LTBP1: variants seen among roughly 807,000 people sequenced by gnomAD.
LTBP1 encodes latent transforming growth factor beta binding protein 1, also known as latent-transforming growth factor beta-binding protein 1.
A neutral mutation model predicts 207.6 loss-of-function variants in LTBP1; 129 were observed. The ratio of observed to expected loss-of-function variants is 0.62; its 90% CI spans 0.54 to 0.72. The LOEUF is 0.72. Ranked by LOEUF, LTBP1 falls within the 30% of genes least tolerant of loss-of-function variation. LTBP1 has a pLI of 0.00. For missense variants in LTBP1, 2,281 were observed against 2,217.2 expected, an observed-to-expected ratio of 1.03 and a Z score of -0.58; for synonymous variants, 963 against 833.7, an observed-to-expected ratio of 1.16 and a Z score of -2.67.
rs139516602 is a variant in LTBP1 at position 33,378,011 on chromosome 2, C to G, written c.4712-11173C>G. Among the ~76,000 whole-genome samples the G allele has an allele frequency of 3.4e-3, 518 of 152,246 alleles. 3 individuals carry two copies. The highest frequency in any genetic ancestry group is 0.012 in the African/African-American group (491 of 41,550). The stretch of plus-strand genomic sequence containing the variant: ...TGAGATTTGGGTGGGGACACAAAGT[C>G]AAACCATATCAACAAGCAATCATAT... On this transcript the variant is annotated intron_variant, in intron 31 of 33. Coordinates refer to ENST00000404816, the MANE Select transcript of LTBP1 (RefSeq NM_206943.4).
At chr2:33,091,233 C>A (rs218182) in intron 3 of LTBP1, among the ~76,000 whole-genome samples, 2 of 151,936 alleles carry the variant, frequency 1.3e-5, no homozygotes, top group South Asian at 2.1e-4. Context: ...GTGTCATCTC[C>A]TCCCATGGAC....
chr2:33,372,248 T>C (rs1238661441), intron 31 of LTBP1, among the ~76,000 whole-genome samples: 1 of 152,188 alleles, frequency 6.6e-6, no homozygotes, highest in Non-Finnish European at 1.5e-5. Context: ...CTCGAGTCTC[T>C]TTCCATGATC....
chr2:33,262,297 C>T (rs2093036245), intron 13 of LTBP1, among the ~76,000 whole-genome samples: 1 of 152,136 alleles, frequency 6.6e-6, no homozygotes, highest in Admixed American at 6.5e-5. Context: ...CTGCTATATC[C>T]ATTATTTAAT....
At chr2:33,018,436 A>G (rs1160844621) in intron 2 of LTBP1, among the ~76,000 whole-genome samples, 1 of 152,178 alleles carries the variant, frequency 6.6e-6, no homozygotes, top group Non-Finnish European at 1.5e-5. Context: ...CATGTTTCTA[A>G]TTGAAAGCAT....
chr2:33,289,462 T>C (rs1443772004), intron 19 of LTBP1, among the ~76,000 whole-genome samples: 1 of 152,096 alleles, frequency 6.6e-6, no homozygotes, highest in Admixed American at 6.5e-5. Flanking sequence ...TGGGCTCCAG[T>C]GATTCTCCTG....
chr2:33,281,107 CCA>C (rs1163818047), intron 19 of LTBP1, among the ~76,000 whole-genome samples: 1 of 152,010 alleles, frequency 6.6e-6, no homozygotes, highest in Non-Finnish European at 1.5e-5. Context: ...CTGTATATCC[CCA>C]GAGTTGTACT....
In LTBP1 at chr2:33,037,370, G is replaced by T. The variant is rs188902810; in HGVS notation, c.863+16164G>T. Among the ~76,000 whole-genome samples the T allele has an allele frequency of 3.6e-3, 543 of 152,216 alleles. 5 individuals carry two copies. Among genetic ancestry groups the T allele is most frequent in the Middle Eastern group, 0.02 (6 of 294 alleles). On this transcript the variant is annotated intron_variant, in intron 3 of 33. Coordinates refer to ENST00000404816, the MANE Select transcript of LTBP1 (RefSeq NM_206943.4). Reference sequence around the variant, plus strand: ...TAATCATCTGTGTCTCTTGTGCTGGGTTCTGGCTGATTTCTTCTAGTTTAT... The same window carrying T: ...TAATCATCTGTGTCTCTTGTGCTGGTTTCTGGCTGATTTCTTCTAGTTTAT...
chr2:33,264,750 C>G (rs1444640817), intron 15 of LTBP1, among the ~76,000 whole-genome samples: 1 of 152,168 alleles, frequency 6.6e-6, no homozygotes. Context: ...TTGAGACTCT[C>G]TCACATTGCT....
rs1274004025 is a variant in LTBP1, at chr2:33,165,997, TTTGGAAGTCA to T, written c.1202-20858_1202-20849del. Among the ~76,000 whole-genome samples the T allele has an allele frequency of 2.6e-5, 4 of 152,252 alleles. No individual in the cohort carries two copies. In the East Asian group the frequency reaches 7.7e-4, roughly 29 times the overall value. On this transcript the variant is annotated intron_variant, in intron 5 of 33. Transcript: ENST00000404816. ...TAGCTTTTCAAGTTTCTAATTCAGT[TTTGGAAGTCA>T]CCTCTTCCATCATAGCCTAACTTTA... is the stretch of plus-strand genomic sequence containing the variant.
chr2:33,356,863 T>C lies in LTBP1; in HGVS notation c.4001-3734T>C, dbSNP rs550008985. ...TCTGCTGAAAGTAATTTACTGAACA[T>C]CATCACACACACAGAGTTTTATCCA... On this transcript the variant is annotated intron_variant, in intron 26 of 33. Coordinates refer to ENST00000404816, the MANE Select transcript of LTBP1 (RefSeq NM_206943.4). Among the ~76,000 whole-genome samples the C allele has an allele frequency of 2.0e-5, 3 of 152,310 alleles. No homozygotes were observed. The East Asian group carries it at 5.8e-4, about 29-fold the overall frequency.
chr2:33,395,443 A>G (rs951841960), intron 32 of LTBP1, among the ~76,000 whole-genome samples: 8 of 152,192 alleles, frequency 5.3e-5, no homozygotes, highest in Non-Finnish European at 8.8e-5. Context: ...AAGTCCCCCA[A>G]TACCAGTGTA....
intron 3 of LTBP1, among the ~76,000 whole-genome samples, chr2:33,053,319 A>G (rs2076835801): frequency 1.3e-5 from 2 of 152,216 alleles, no homozygotes; most frequent in Non-Finnish European, 2.9e-5. Context: ...CCAGAGTGGT[A>G]CATTTGCTAC....
intron 7 of LTBP1, among the ~76,000 whole-genome samples, chr2:33,208,698 A>G (rs1392419869): frequency 6.6e-6 from 1 of 152,176 alleles, no homozygotes; most frequent in Non-Finnish European, 1.5e-5. Context: ...CTTTCATAAA[A>G]TCATAGAACT....
At chr2:33,317,008 C>G (rs940354853) in intron 24 of LTBP1, among the ~76,000 whole-genome samples, 4 of 152,166 alleles carry the variant, frequency 2.6e-5, no homozygotes, top group African/African-American at 9.7e-5. Context: ...GCTCCCTAGT[C>G]AAAGCTGTTG....
chr2:33,134,990 T>C lies in LTBP1; in HGVS notation c.1201+30T>C. ...GTTCCTCCACGGTCCCTAACTGTCC[T>C]TACTGAGTCGAGTTTTATGAGATTG... is the stretch of plus-strand genomic sequence containing the variant. On this transcript the variant is annotated intron_variant, in intron 5 of 33. Coordinates refer to ENST00000404816, the MANE Select transcript of LTBP1 (RefSeq NM_206943.4). This position sits in a 1 kb window ranked among gnomAD's most constrained non-coding sequence, Gnocchi z 4.4. 6.4e-7 allele frequency: 1 copy of C among 1,560,992 alleles called. No homozygotes were observed. Among genetic ancestry groups the C allele is most frequent in the Middle Eastern group, 2.2e-4 (1 of 4,594 alleles).
chr2:33,343,529 A>G (rs1200765922), intron 25 of LTBP1, among the ~76,000 whole-genome samples: 1 of 152,174 alleles, frequency 6.6e-6, no homozygotes, highest in African/African-American at 2.4e-5. Flanking sequence ...ACTCTAACTG[A>G]GTATGCAGAA....
chr2:33,393,213 G>A (rs1046924209), intron 32 of LTBP1, among the ~76,000 whole-genome samples: 2 of 121,400 alleles, frequency 1.6e-5, no homozygotes, highest in African/African-American at 6.1e-5. Context: ...CTCCACTAGT[G>A]TCTGTTGTTT....
At chr2:32,994,968 T>C (rs1158100978) in intron 2 of LTBP1, among the ~76,000 whole-genome samples, 2 of 152,128 alleles carry the variant, frequency 1.3e-5, no homozygotes, top group Admixed American at 6.6e-5. Flanking sequence ...GGTGGGAAGA[T>C]TGCTTGAGGT....
intron 9 of LTBP1, among the ~76,000 whole-genome samples, chr2:33,234,392 T>A (rs890195919): frequency 1.3e-5 from 2 of 152,028 alleles, no homozygotes; most frequent in South Asian, 4.2e-4. Context: ...TTCAGGGTGG[T>A]ATGGCTATAG....
Sources: gnomAD v4.1 joint callset for allele counts (sites outside exome capture counted in the v4.1 genomes callset) on GRCh38, gnomAD v4.1.1 for gene constraint, Gnocchi (gnomAD v3.1) non-coding constraint, MANE v1.5 for transcripts, NCBI Gene and HGNC (gene_info 2026-07-23, HGNC 2026-07-21) for gene names.